BMPR1B: variants seen among roughly 807,000 people sequenced by gnomAD.
The protein encoded by BMPR1B is bone morphogenetic protein receptor type 1B.
Under a neutral mutation model 59.1 loss-of-function variants are expected in BMPR1B, and 12 were observed. That is an observed-to-expected ratio of 0.20 (90% CI 0.13 to 0.33). The LOEUF (loss-of-function observed/expected upper bound fraction) is 0.33, where lower values mean the gene tolerates loss of function less well. Among genes scored for constraint, BMPR1B ranks in the 10% least tolerant of loss-of-function variants. BMPR1B has a pLI of 1.00. For synonymous variants in BMPR1B, 237 were observed against 207.3 expected (o/e 1.14, Z -1.23); for missense variants, 550 against 610.9 (o/e 0.90, Z 1.05).
At chr4:94,861,742 A>G (rs1397846058) in intron 1 of BMPR1B, among the ~76,000 whole-genome samples, 1 of 152,238 alleles carries the variant, frequency 6.6e-6, no homozygotes, top group Non-Finnish European at 1.5e-5. Flanking sequence ...TGATTTTAAA[A>G]TTATGGTTAT....
At chr4:95,099,111 G>A (rs1015524267) in intron 3 of BMPR1B, among the ~76,000 whole-genome samples, 3 of 152,150 alleles carry the variant, frequency 2.0e-5, no homozygotes, top group Non-Finnish European at 2.9e-5. Flanking sequence ...TTAAGCACAC[G>A]TGTAAACATA....
In BMPR1B at chr4:94,832,242, G is replaced by T. The variant is rs532702370; in HGVS notation, c.-182-43589G>T. The stretch of plus-strand genomic sequence containing the variant: ...CAGAGAAATGGTGTACAGGTTTGTA[G>T]CCTGGGAGCAATAGGCTATACCATT... On this transcript the variant is annotated intron_variant, in intron 1 of 12. Coordinates refer to ENST00000515059, the MANE Select transcript of BMPR1B (RefSeq NM_001203.3). Among the ~76,000 whole-genome samples the T allele has an allele frequency of 9.2e-5, 14 of 152,284 alleles. No homozygotes were observed. In the South Asian group the frequency reaches 1.2e-3, roughly 14 times the overall value.
chr4:95,030,685 A>T (rs1405629617), intron 3 of BMPR1B, among the ~76,000 whole-genome samples: 1 of 152,142 alleles, frequency 6.6e-6, no homozygotes, highest in Non-Finnish European at 1.5e-5. Context: ...CCAGATACAA[A>T]ATCAATGTAC....
intron 1 of BMPR1B, among the ~76,000 whole-genome samples, chr4:94,782,378 T>G (rs1403570882): frequency 6.6e-6 from 1 of 151,896 alleles, no homozygotes; most frequent in Non-Finnish European, 1.5e-5. Context: ...CAATCTTGGC[T>G]CACTGCAGCC....
intron 1 of BMPR1B, among the ~76,000 whole-genome samples, chr4:94,794,368 A>T (rs1410665257): frequency 6.6e-6 from 1 of 151,418 alleles, no homozygotes; most frequent in Non-Finnish European, 1.5e-5. Flanking sequence ...GTTCTGTTCC[A>T]TTGATCTATA....
At chr4:94,948,786 A>G (rs998981244) in intron 2 of BMPR1B, among the ~76,000 whole-genome samples, 3 of 152,164 alleles carry the variant, frequency 2.0e-5, no homozygotes, top group Non-Finnish European at 4.4e-5. Context: ...ATTTTAAACT[A>G]CAGAGATTTG....
intron 3 of BMPR1B, among the ~76,000 whole-genome samples, chr4:95,095,958 A>C (rs1730341044): frequency 6.6e-6 from 1 of 151,802 alleles, no homozygotes; most frequent in Non-Finnish European, 1.5e-5. Context: ...TAATGGATTA[A>C]TTTTGAAGAT....
At chr4:95,025,658 TA>T (rs1560602518) in intron 3 of BMPR1B, among the ~76,000 whole-genome samples, 29 of 151,964 alleles carry the variant, frequency 1.9e-4, no homozygotes, top group Non-Finnish European at 4.0e-4. Context: ...AACACTTTGT[TA>T]GAAGAAGGAG....
At chr4:94,870,580 G>A (rs978727966) in intron 1 of BMPR1B, among the ~76,000 whole-genome samples, 12 of 152,102 alleles carry the variant, frequency 7.9e-5, no homozygotes, top group Non-Finnish European at 1.5e-4. Flanking sequence ...CTTAGAGAAT[G>A]GAGAATTGGG....
chr4:95,110,134 G>T (rs1213761629), intron 4 of BMPR1B, among the ~76,000 whole-genome samples: 1 of 151,910 alleles, frequency 6.6e-6, no homozygotes, highest in Non-Finnish European at 1.5e-5. Flanking sequence ...AACTCTTGAA[G>T]ATTTTTGAGC....
At chr4:94,856,799 G>A (rs114874410) in intron 1 of BMPR1B, among the ~76,000 whole-genome samples, 26 of 152,350 alleles carry the variant, frequency 1.7e-4, no homozygotes, top group African/African-American at 6.0e-4. Context: ...TATGCCAGGT[G>A]AGGGCCTATC....
At position 95,109,881 on chromosome 4, in the gene BMPR1B, C is replaced by T. The variant is rs1206427379; in HGVS notation, c.144-4839C>T. 3.4e-5 allele frequency among the ~76,000 whole-genome samples: 4 copies of T among 119,178 alleles called. No individual in the cohort carries two copies. The South Asian group carries it at 1.3e-3, about 39-fold the overall frequency. The allele number at this position is 119,178 out of a possible 152,430, so 78.2% of individuals were successfully genotyped here. A position where few individuals can be genotyped will look rare whatever the true frequency, so the allele number is the denominator to read the frequency against. On this transcript the variant is annotated intron_variant, in intron 4 of 12. Coordinates refer to ENST00000515059, the MANE Select transcript of BMPR1B (RefSeq NM_001203.3). Reference sequence around the variant, plus strand: ...CCCCCTCCCCCCACCCCACAACAGTCCCCGGTGTGTGATGTTCCCCTTCCT... The same window carrying T: ...CCCCCTCCCCCCACCCCACAACAGTTCCCGGTGTGTGATGTTCCCCTTCCT...
At chr4:95,076,701 G>A (rs1470117303) in intron 3 of BMPR1B, among the ~76,000 whole-genome samples, 2 of 152,042 alleles carry the variant, frequency 1.3e-5, no homozygotes, top group African/African-American at 4.8e-5. Context: ...TGGAATAAGA[G>A]GGAGGTAGTT....
chr4:95,025,205 A>T (rs1489265864), intron 3 of BMPR1B, among the ~76,000 whole-genome samples: 1 of 152,120 alleles, frequency 6.6e-6, no homozygotes, highest in East Asian at 1.9e-4. Context: ...TATTTTCGCA[A>T]AGGGGAAAGT....
intron 2 of BMPR1B, among the ~76,000 whole-genome samples, chr4:94,970,433 A>G (rs1245218296): frequency 1.3e-5 from 2 of 151,870 alleles, no homozygotes; most frequent in African/African-American, 4.8e-5. Flanking sequence ...CTCCTGCCTC[A>G]GCCTCCCGAA....
intron 6 of BMPR1B, among the ~76,000 whole-genome samples, chr4:95,116,421 G>GCACGCACA (rs1732060790): frequency 1.6e-5 from 2 of 123,248 alleles, no homozygotes; most frequent in Non-Finnish European, 1.6e-5. Flanking sequence ...TTCAGCGCGC[G>GCACGCACA]CACACACACA....
At chr4:95,128,027 G>A (rs192361538) in intron 8 of BMPR1B, among the ~76,000 whole-genome samples, 21 of 151,824 alleles carry the variant, frequency 1.4e-4, no homozygotes, top group Admixed American at 2.6e-4. Context: ...TTGTCACTAC[G>A]GGTGTGTGCT....
chr4:94,872,828 A>G (rs558750940), intron 1 of BMPR1B, among the ~76,000 whole-genome samples: 2 of 152,380 alleles, frequency 1.3e-5, no homozygotes, highest in South Asian at 2.1e-4. Context: ...CTGTGAGTAT[A>G]AAACTGAACT....
chr4:94,964,450 G>C (rs909124961), intron 2 of BMPR1B, among the ~76,000 whole-genome samples: 3 of 152,096 alleles, frequency 2.0e-5, no homozygotes, highest in Admixed American at 6.6e-5. Flanking sequence ...TATGATACTA[G>C]CTATAGGTTT....
Sources: allele counts gnomAD v4.1 joint callset (sites outside exome capture counted in the v4.1 genomes callset), GRCh38; gene constraint gnomAD v4.1.1; transcripts MANE v1.5; gene names NCBI Gene and HGNC (gene_info 2026-07-23, HGNC 2026-07-21).